LAMC2: variants seen among roughly 807,000 people sequenced by gnomAD.
The protein encoded by LAMC2 is laminin subunit gamma 2, also known as laminin subunit gamma-2.
LAMC2 carries 97 observed loss-of-function variants against 140.2 expected under a neutral mutation model. The observed-to-expected ratio is 0.69, with a 90% CI of 0.59 to 0.82. The LOEUF is 0.82. LAMC2 is among the 40% of genes least tolerant of loss of function. The pLI is 0.00. For missense variants in LAMC2, 1,402 were observed against 1,476.1 expected (o/e 0.95, Z 0.82); for synonymous variants, 513 against 540.2 (o/e 0.95, Z 0.70).
chr1:183,225,587 T>C (rs779112753), intron 7 of LAMC2, 21 bp from the exon 8 acceptor site: 1 of 1,533,202 alleles, frequency 6.5e-7, no homozygotes, highest in Non-Finnish European at 9.0e-7. Flanking sequence ...TTTTTAAAGC[T>C]TTTGATTTTA....
chr1:183,209,758 G>A (rs540210373), intron 2 of LAMC2, among the ~76,000 whole-genome samples: 1 of 152,280 alleles, frequency 6.6e-6, no homozygotes, highest in South Asian at 2.1e-4. Context: ...CTGAAGACAA[G>A]GTTATTAGTC....
At chr1:183,217,911 G>A (rs1200288372) in intron 3 of LAMC2, among the ~76,000 whole-genome samples, 1 of 152,204 alleles carries the variant, frequency 6.6e-6, no homozygotes, top group Admixed American at 6.5e-5. Context: ...GAATTGCATG[G>A]CATATGAATT....
At chr1:183,236,320 A>G (rs1057502691) in intron 16 of LAMC2, 140 bp from the exon 17 acceptor site, 6 of 759,324 alleles carry the variant, frequency 7.9e-6, no homozygotes, top group Non-Finnish European at 1.3e-5. Context: ...GCGTGGGAGG[A>G]TGAGGCTATA....
the LAMC2 span, chr1:183,250,583 C>G: frequency 6.5e-6 from 1 of 152,768 alleles, no homozygotes; most frequent in African/African-American, 2.4e-5. Context: ...AGGCCCTACA[C>G]CTGCTGGCTG....
At chr1:183,245,627 A>C (rs1660226167), downstream of LAMC2, among the ~76,000 whole-genome samples, 1 of 152,230 alleles carries the variant, frequency 6.6e-6, no homozygotes, top group Admixed American at 6.5e-5. Context: ...CCATGGTCCA[A>C]AACCCAGCAA....
In LAMC2 at chr1:183,186,279, G is replaced by A; in HGVS notation, c.-74G>A. 1.3e-6 allele frequency: 2 copies of A among 1,535,326 alleles called. No homozygotes were observed. Among genetic ancestry groups the A allele is most frequent in the East Asian group, 4.8e-5 (2 of 41,816 alleles). On this transcript the variant is annotated 5_prime_UTR_variant, in exon 1 of 23. It adds an upstream start codon to the 5' untranslated region. Transcript: ENST00000264144. Reference sequence around the variant, plus strand: ...AAAGGAAGGCACAGCGGAGCGCAGAGTGAGAACCACCAACCGAGGCGCCGG... The same window carrying A: ...AAAGGAAGGCACAGCGGAGCGCAGAATGAGAACCACCAACCGAGGCGCCGG...
chr1:183,238,236 G>T, intron 18 of LAMC2, 71 bp from the exon 19 acceptor site: 1 of 1,092,856 alleles, frequency 9.2e-7, no homozygotes, highest in South Asian at 1.3e-5. Flanking sequence ...GTCATGAAGA[G>T]AAATGTGTCA....
At chr1:183,192,724 A>G (rs1051163315) in intron 1 of LAMC2, among the ~76,000 whole-genome samples, 2 of 151,946 alleles carry the variant, frequency 1.3e-5, no homozygotes, top group African/African-American at 2.4e-5. Context: ...TTTTTTTGAG[A>G]TGGAGTCTTG....
rs1659497168 is a variant in LAMC2 at position 183,222,205 on chromosome 1, G to A, written c.757G>A (p.Ala253Thr). 6.2e-7 allele frequency: 1 copy of A among 1,614,006 alleles called. No homozygotes were observed. Among genetic ancestry groups the A allele is most frequent in the African/African-American group, 1.3e-5 (1 of 74,908 alleles). The change falls in exon 6 of 23, where the codon GCT becomes ACT. Residue 253 changes from alanine to threonine, a missense_variant. Physicochemically the swap from Ala to Thr is moderately conservative, Grantham distance 58. Transcript: ENST00000264144. Reference protein sequence around the residue: ...AQRLDPVYFVAPAKFLGNQQV... With the variant: ...AQRLDPVYFVTPAKFLGNQQV... The stretch of plus-strand genomic sequence containing the variant: ...ACGACTAGACCCTGTCTATTTTGTG[G>A]CTCCTGGTATGTGAGGAATAATGTC...
intron 4 of LAMC2, among the ~76,000 whole-genome samples, chr1:183,219,907 T>C (rs966627173): frequency 3.3e-5 from 5 of 152,256 alleles, no homozygotes; most frequent in African/African-American, 1.2e-4. Flanking sequence ...ACCTGCTATA[T>C]GTCAAGAGTT....
At chr1:183,235,029 G>A (rs983294123) in intron 15 of LAMC2, among the ~76,000 whole-genome samples, 3 of 152,188 alleles carry the variant, frequency 2.0e-5, no homozygotes, top group Admixed American at 1.3e-4. Flanking sequence ...GCGGAAGAGG[G>A]CTGATTTGTA....
chr1:183,202,631 T>C (rs1221927926), intron 1 of LAMC2, among the ~76,000 whole-genome samples: 1 of 152,150 alleles, frequency 6.6e-6, no homozygotes, highest in East Asian at 1.9e-4. Context: ...AAAATAGAAC[T>C]AAAACAGCAA....
rs182985028 is a variant in LAMC2, at chr1:183,234,893, A to G, written c.2300+447A>G. 1.6e-3 allele frequency among the ~76,000 whole-genome samples: 238 copies of G among 152,284 alleles called. 3 individuals carry two copies. Among genetic ancestry groups the G allele is most frequent in the Non-Finnish European group, 4.7e-4 (32 of 68,016 alleles). On this transcript the variant is annotated intron_variant, in intron 15 of 22. Transcript: ENST00000264144. Reference sequence around the variant, plus strand: ...TGAAAACCGGCTCTGCAGGGCCCCAATGATAACACGCAGCTCCCTTCATCC... The same window carrying G: ...TGAAAACCGGCTCTGCAGGGCCCCAGTGATAACACGCAGCTCCCTTCATCC...
At chr1:183,198,158 A>G (rs61809126) in intron 1 of LAMC2, among the ~76,000 whole-genome samples, 13 of 134,770 alleles carry the variant, frequency 9.6e-5, no homozygotes, top group South Asian at 9.2e-4. Context: ...TTTTTTTTTA[A>G]TTGAGACAGA....
downstream of LAMC2, chr1:183,249,688 TG>T (rs1660322672): frequency 1.2e-5 from 1 of 80,092 alleles, no homozygotes; most frequent in African/African-American, 6.3e-5. Flanking sequence ...AGGGCGTGTG[TG>T]TGTGTGTGTG....
chr1:183,201,184 G>T (rs924548293), intron 1 of LAMC2, among the ~76,000 whole-genome samples: 1 of 152,200 alleles, frequency 6.6e-6, no homozygotes, highest in African/African-American at 2.4e-5. Flanking sequence ...AATAGTCAAA[G>T]GAATGATGGA....
At chr1:183,239,871 C>A in intron 20 of LAMC2, 169 bp from the exon 21 acceptor site, 1 of 787,518 alleles carries the variant, frequency 1.3e-6, no homozygotes, top group Non-Finnish European at 2.1e-6. Context: ...TTGTTTGAGG[C>A]AGAGCTTGGC....
rs1342473031 is a variant in LAMC2 at position 183,240,473 on chromosome 1, C to G, written c.3328+82C>G. On this transcript the variant is annotated intron_variant, in intron 22 of 22. Coordinates refer to ENST00000264144, the MANE Select transcript of LAMC2 (RefSeq NM_005562.3). ...GAACACTCACTATACCTAGCCCCAGCAAAGGGGAGTCTCAGCTTTCCTTAA... is the reference window on the plus strand; with the variant it reads ...GAACACTCACTATACCTAGCCCCAGGAAAGGGGAGTCTCAGCTTTCCTTAA... 3 of 1,567,206 alleles carry G rather than the reference C, an allele frequency of 1.9e-6. No individual in the cohort carries two copies. The East Asian group carries it at 6.8e-5, about 35-fold the overall frequency.
rs770789369 is a variant in LAMC2 at position 183,235,724 on chromosome 1, T to A, written c.2450T>A (p.Val817Glu). ...GACGGTGCTGTGGTGCAAGGGCTTG[T>A]GGAAAAGTACGTTCCTACGGGTCCT... ...SPDGAVVQGLVEKLEKTKSLA... is the reference protein window; with the variant it reads ...SPDGAVVQGLEEKLEKTKSLA... Residue 817 changes from valine (V) to glutamate (E), a missense_variant, in exon 16 of 23, where the codon GTG becomes GAG. Val to Glu is a moderately radical substitution (Grantham distance 121, BLOSUM62 -2). Around this residue, in one of 3 missense-constraint regions of LAMC2, gnomAD observed 670 missense variants for 667.2 expected, o/e 1.00. Coordinates refer to ENST00000264144, the MANE Select transcript of LAMC2 (RefSeq NM_005562.3). 2 of 1,614,092 alleles carry A rather than the reference T, an allele frequency of 1.2e-6. No homozygotes were observed. Among genetic ancestry groups the A allele is most frequent in the East Asian group, 4.5e-5 (2 of 44,880 alleles).
Sources: allele counts gnomAD v4.1 joint callset (sites outside exome capture counted in the v4.1 genomes callset), GRCh38; gene constraint gnomAD v4.1.1; regional missense constraint gnomAD v4.1.1; transcripts MANE v1.5; gene names NCBI Gene and HGNC (gene_info 2026-07-23, HGNC 2026-07-21).